The following SNX6 variants were observed in gnomAD, a reference collection of about 807,000 sequenced individuals.
SNX6 encodes the protein sorting nexin 6, also known as sorting nexin-6.
SNX6 carries 34 observed loss-of-function variants against 63.0 expected under a neutral mutation model. That is an observed-to-expected ratio of 0.54 (90% CI 0.41 to 0.72). The LOEUF (loss-of-function observed/expected upper bound fraction) is 0.72, where lower values mean the gene tolerates loss of function less well. Among genes scored for constraint, SNX6 ranks in the 30% least tolerant of loss-of-function variants. The pLI is 0.00. For missense variants in SNX6, 398 were observed against 471.4 expected (o/e 0.84, Z 1.44); for synonymous variants, 170 against 164.2 (o/e 1.04, Z -0.27).
intron 3 of SNX6, among the ~76,000 whole-genome samples, chr14:34,608,355 G>T (rs1275370152): frequency 2.0e-5 from 3 of 152,028 alleles, no homozygotes; most frequent in Non-Finnish European, 4.4e-5. Flanking sequence ...TAAAGATGAG[G>T]TCTCACTAAG....
Position 34,626,873 on chromosome 14 carries a change from A to G in SNX6, c.54+3034T>C, listed in dbSNP as rs117393449. 2.6e-5 allele frequency among the ~76,000 whole-genome samples: 4 copies of G among 152,326 alleles called. No individual in the cohort carries two copies. The East Asian group carries it at 7.7e-4, about 29-fold the overall frequency. On this transcript the variant is annotated intron_variant, in intron 2 of 13. Transcript: ENST00000362031. ...GCAAATCCTGTTTGCTTGTGCTAGT[A>G]GACACCAAAAATAGGACATAAAGTT...
intron 2 of SNX6, 161 bp downstream of exon 2, chr14:34,629,746 G>C: frequency 8.4e-7 from 1 of 1,186,182 alleles, no homozygotes; most frequent in Non-Finnish European, 1.2e-6. Flanking sequence ...AGGGAGGAAG[G>C]GCTGCGGGAG....
chr14:34,575,838 A>G lies in SNX6; in HGVS notation c.839T>C (p.Ile280Thr), dbSNP rs1035192673. The G allele has an allele frequency of 1.3e-6, 2 of 1,569,542 alleles. No individual in the cohort carries two copies. Among genetic ancestry groups the G allele is most frequent in the Non-Finnish European group, 8.6e-7 (1 of 1,156,298 alleles). ...TTCATCAGCAGACACTCGTGCTTCT[A>G]TTTTCTGAAAAGAAGGAAAAAATTG... ...VSELFDKTRK[I>T]EARVSADEDL... Residue 280 changes from isoleucine (I) to threonine (T), a missense_variant, in exon 11 of 14, where the codon ATA becomes ACA. Physicochemically the swap from Ile to Thr is moderately conservative, Grantham distance 89 (BLOSUM62 -1). Coordinates refer to ENST00000362031, the MANE Select transcript of SNX6 (RefSeq NM_152233.4).
chr14:34,629,334 T>C (rs184214421), intron 2 of SNX6: 139 of 351,564 alleles, frequency 4.0e-4, no homozygotes, highest in Admixed American at 1.3e-3. Context: ...ACAGGATTTG[T>C]TGGATATTAG....
chr14:34,623,513 T>C (rs539406595), intron 2 of SNX6, among the ~76,000 whole-genome samples: 24 of 152,246 alleles, frequency 1.6e-4, no homozygotes, highest in Admixed American at 1.2e-3. Context: ...GTAATATAAG[T>C]AATTTGACGA....
intron 9 of SNX6, among the ~76,000 whole-genome samples, chr14:34,583,543 G>C (rs1287746820): frequency 6.6e-6 from 1 of 151,340 alleles, no homozygotes; most frequent in Non-Finnish European, 1.5e-5. Context: ...CTTGAGCACA[G>C]GAGTTCAAGG....
At chr14:34,597,831 T>C (rs1941423102) in intron 6 of SNX6, among the ~76,000 whole-genome samples, 186 bp from the exon 7 acceptor site, 1 of 152,176 alleles carries the variant, frequency 6.6e-6, no homozygotes, top group Non-Finnish European at 1.5e-5. Context: ...GGTAATAATA[T>C]AGATATTCAG....
chr14:34,626,235 A>G (rs2138395189), intron 2 of SNX6, among the ~76,000 whole-genome samples: 1 of 152,322 alleles, frequency 6.6e-6, no homozygotes, highest in Middle Eastern at 3.4e-3. Context: ...CTGATGTTCT[A>G]AAAGCATTCT....
At chr14:34,624,766 A>C (rs891251913) in intron 2 of SNX6, among the ~76,000 whole-genome samples, 5 of 152,048 alleles carry the variant, frequency 3.3e-5, no homozygotes, top group African/African-American at 1.2e-4. Context: ...ACTGCACTCC[A>C]GCCTAGCGAC....
At chr14:34,592,380 G>C (rs186233599) in intron 8 of SNX6, among the ~76,000 whole-genome samples, 17 of 151,716 alleles carry the variant, frequency 1.1e-4, no homozygotes, top group African/African-American at 3.9e-4. Flanking sequence ...TAGAGACTCT[G>C]TCTCAAAGAA....
intron 4 of SNX6, among the ~76,000 whole-genome samples, chr14:34,607,601 ACT>A (rs1035932668): frequency 6.6e-6 from 1 of 151,186 alleles, no homozygotes; most frequent in Admixed American, 6.6e-5. Flanking sequence ...CACAAGTGAG[ACT>A]CTGTCTCTAA....
intron 4 of SNX6, 136 bp from the exon 5 acceptor site, chr14:34,605,853 C>A: frequency 9.2e-7 from 1 of 1,086,748 alleles, no homozygotes; most frequent in South Asian, 2.0e-5. Context: ...CACCCAAATT[C>A]AGATTGGAGA....
At chr14:34,630,031 G>T in intron 1 of SNX6, 77 bp from the exon 2 acceptor site, 3 of 1,449,118 alleles carry the variant, frequency 2.1e-6, no homozygotes, top group East Asian at 5.6e-5. Context: ...TTAGTGACAG[G>T]CTGGCGCGGT....
At chr14:34,603,711 T>C (rs1882911718) in intron 5 of SNX6, among the ~76,000 whole-genome samples, 1 of 152,158 alleles carries the variant, frequency 6.6e-6, no homozygotes, top group African/African-American at 2.4e-5. Flanking sequence ...TTTTTAAGTT[T>C]TACAAATTTT....
chr14:34,585,970 T>C (rs1882135054), intron 9 of SNX6, among the ~76,000 whole-genome samples: 1 of 152,012 alleles, frequency 6.6e-6, no homozygotes, highest in Non-Finnish European at 1.5e-5. Context: ...AAAGGTGGAA[T>C]CTCAGCTCAC....
At chr14:34,567,565 T>C in intron 13 of SNX6, 121 bp downstream of exon 13, 1 of 763,000 alleles carries the variant, frequency 1.3e-6, no homozygotes, top group Admixed American at 2.8e-5. Context: ...GTAATTCCAG[T>C]TCAGGAATAG....
chr14:34,574,255 G>A (rs1335215286), intron 11 of SNX6, among the ~76,000 whole-genome samples: 1 of 151,250 alleles, frequency 6.6e-6, no homozygotes, highest in Non-Finnish European at 1.5e-5. Flanking sequence ...AGAATCACTT[G>A]AAGCCGGGAG....
At chr14:34,630,041 T>TCCCCGCGCCCG (rs891149145) in intron 1 of SNX6, 70 bp downstream of exon 1, 107 of 1,434,876 alleles carry the variant, frequency 7.5e-5, no homozygotes, top group Non-Finnish European at 8.1e-5. Context: ...GCTGGCGCGG[T>TCCCCGCGCCCG]CCCCGCGCCC....
intron 11 of SNX6, among the ~76,000 whole-genome samples, chr14:34,575,196 ATTTTTTTT>A (rs34881787): frequency 1.8e-5 from 2 of 111,030 alleles, no homozygotes; most frequent in Non-Finnish European, 3.8e-5. Context: ...CCTGGCCTCA[ATTTTTTTT>A]TTTTTTTTTT....
Sources: allele counts gnomAD v4.1 joint callset (sites outside exome capture counted in the v4.1 genomes callset), GRCh38; gene constraint gnomAD v4.1.1; transcripts MANE v1.5; gene names NCBI Gene and HGNC (gene_info 2026-07-23, HGNC 2026-07-21).